The following TNFAIP6 variants were observed in gnomAD, a reference collection of about 807,000 sequenced individuals.
TNFAIP6 encodes the protein TNF alpha induced protein 6.
Under a neutral mutation model 33.7 loss-of-function variants are expected in TNFAIP6, and 36 were observed. That is an observed-to-expected ratio of 1.07 (90% confidence interval 0.82 to 1.41). The LOEUF (loss-of-function observed/expected upper bound fraction) is 1.41. Among genes scored for constraint, TNFAIP6 ranks in the 40% most tolerant of loss-of-function variants. TNFAIP6 has a pLI of 0.00. For missense variants in TNFAIP6, 273 were observed against 331.9 expected (o/e 0.82, Z 1.38); for synonymous variants, 113 against 112.8 (o/e 1.00, Z -0.01).
At chr2:151,378,452 C>A (rs1257538942) in intron 5 of TNFAIP6, among the ~76,000 whole-genome samples, 1 of 151,734 alleles carries the variant, frequency 6.6e-6, no homozygotes, top group African/African-American at 2.4e-5. Context: ...TGCCATTCTC[C>A]TGTAATTCTG....
chr2:151,369,495 T>C (rs1684774767), intron 3 of TNFAIP6, among the ~76,000 whole-genome samples: 1 of 152,010 alleles, frequency 6.6e-6, no homozygotes, highest in African/African-American at 2.4e-5. Flanking sequence ...AATTCATGGC[T>C]GGGCACAGTG....
intron 5 of TNFAIP6, among the ~76,000 whole-genome samples, chr2:151,376,377 C>A (rs1311486945): frequency 6.7e-6 from 1 of 149,864 alleles, no homozygotes; most frequent in Non-Finnish European, 1.5e-5. Context: ...CATGATCATG[C>A]CACTGCTCTC....
At chr2:151,360,637 C>T (rs903414774) in intron 1 of TNFAIP6, among the ~76,000 whole-genome samples, 1 of 152,282 alleles carries the variant, frequency 6.6e-6, no homozygotes, top group Non-Finnish European at 1.5e-5. Context: ...TTTAATAAAA[C>T]ACCTTATTTA....
intron 5 of TNFAIP6, among the ~76,000 whole-genome samples, chr2:151,377,202 C>T (rs189202943): frequency 1.3e-5 from 2 of 148,444 alleles, no homozygotes; most frequent in African/African-American, 5.0e-5. Context: ...GTGAGTCTCG[C>T]TCTGTCGCCC....
intron 5 of TNFAIP6, among the ~76,000 whole-genome samples, chr2:151,374,261 T>C (rs1456776692): frequency 6.6e-6 from 1 of 152,326 alleles, no homozygotes. Flanking sequence ...TGTGACTTTG[T>C]TCCAAGAAAT....
intron 1 of TNFAIP6, among the ~76,000 whole-genome samples, chr2:151,362,017 A>G (rs1002953929): frequency 2.0e-5 from 3 of 152,176 alleles, no homozygotes; most frequent in African/African-American, 7.2e-5. Flanking sequence ...TATATTTCTA[A>G]TTCTCCTGGA....
intron 5 of TNFAIP6, among the ~76,000 whole-genome samples, chr2:151,374,107 C>T (rs906468953): frequency 2.6e-5 from 4 of 152,048 alleles, no homozygotes; most frequent in Admixed American, 1.3e-4. Flanking sequence ...ATTTGGAAAA[C>T]GTTGGGTTAA....
intron 2 of TNFAIP6, among the ~76,000 whole-genome samples, chr2:151,364,593 C>T (rs965964973): frequency 6.6e-6 from 1 of 152,052 alleles, no homozygotes; most frequent in Non-Finnish European, 1.5e-5. Flanking sequence ...ACAGGAAGGT[C>T]GTGAGATAGA....
chr2:151,380,249 T>G (rs535827288), downstream of TNFAIP6, among the ~76,000 whole-genome samples: 1 of 152,136 alleles, frequency 6.6e-6, no homozygotes, highest in East Asian at 1.9e-4. Context: ...TTTCCATGCC[T>G]TTTTTTCACT....
At chr2:151,368,030 AT>A (rs1168613883) in intron 3 of TNFAIP6, among the ~76,000 whole-genome samples, 1 of 152,042 alleles carries the variant, frequency 6.6e-6, no homozygotes, top group African/African-American at 2.4e-5. Context: ...CAATATTTGA[AT>A]TTTTTCTAAT....
chr2:151,373,744 C>CAA (rs35356355), intron 5 of TNFAIP6, 155 bp downstream of exon 5: 5,385 of 242,352 alleles, frequency 0.022, 3 homozygotes, highest in Middle Eastern at 0.036. Flanking sequence ...TTGTAAAATG[C>CAA]AAAAAAAAAA....
downstream of TNFAIP6, among the ~76,000 whole-genome samples, chr2:151,381,268 C>T (rs2152020723): frequency 6.6e-6 from 1 of 152,050 alleles, no homozygotes; most frequent in South Asian, 2.1e-4. Flanking sequence ...CTCAGGAGTT[C>T]AAAACCAGGC....
intron 1 of TNFAIP6, among the ~76,000 whole-genome samples, chr2:151,361,056 T>A (rs1432883067): frequency 6.8e-6 from 1 of 146,102 alleles, no homozygotes; most frequent in African/African-American, 2.7e-5. Flanking sequence ...AATCTGTTAA[T>A]TTTTTTGTTT....
chr2:151,369,345 A>T (rs1684772445), intron 3 of TNFAIP6, among the ~76,000 whole-genome samples: 1 of 152,148 alleles, frequency 6.6e-6, no homozygotes, highest in Non-Finnish European at 1.5e-5. Flanking sequence ...TTAGAGCTGG[A>T]GGTCTCACTA....
chr2:151,363,503 A>G (rs1684662759), intron 1 of TNFAIP6, among the ~76,000 whole-genome samples: 2 of 151,418 alleles, frequency 1.3e-5, no homozygotes, highest in South Asian at 4.2e-4. Context: ...TTTAAAAAAA[A>G]AAAAAAAAAT....
chr2:151,373,160 G>A (rs1301038242), intron 4 of TNFAIP6, among the ~76,000 whole-genome samples: 1 of 151,394 alleles, frequency 6.6e-6, no homozygotes, highest in Non-Finnish European at 1.5e-5. Flanking sequence ...TTTACTAAAA[G>A]TACAAAAATT....
At chr2:151,361,507 T>G (rs1684623396) in intron 1 of TNFAIP6, among the ~76,000 whole-genome samples, 1 of 152,246 alleles carries the variant, frequency 6.6e-6, no homozygotes, top group Non-Finnish European at 1.5e-5. Flanking sequence ...ACAGGTCTTT[T>G]AATCTGTATT....
rs576317634 is a variant in TNFAIP6, at chr2:151,377,415, C to T, written c.665-1949C>T. 3.1e-4 allele frequency among the ~76,000 whole-genome samples: 47 copies of T among 151,298 alleles called. No homozygotes were observed. The South Asian group carries it at 3.1e-3, about 10-fold the overall frequency. On this transcript the variant is annotated intron_variant, in intron 5 of 5. Coordinates refer to ENST00000243347, the MANE Select transcript of TNFAIP6 (RefSeq NM_007115.4). Reference sequence around the variant, plus strand: ...CAATCTTCTGACCTCATGATCCACCCGCCTCGGCCTCCCAAAGTGCTAGGA... The same window carrying T: ...CAATCTTCTGACCTCATGATCCACCTGCCTCGGCCTCCCAAAGTGCTAGGA...
chr2:151,375,040 G>A (rs1469507530), intron 5 of TNFAIP6, among the ~76,000 whole-genome samples: 1 of 148,218 alleles, frequency 6.7e-6, no homozygotes. Context: ...CAGGAGAATT[G>A]CTTGAACCCG....
Sources: allele counts gnomAD v4.1 joint callset (sites outside exome capture counted in the v4.1 genomes callset), GRCh38; gene constraint gnomAD v4.1.1; transcripts MANE v1.5; gene names NCBI Gene and HGNC (gene_info 2026-07-23, HGNC 2026-07-21).